Variants in CCDC60 observed in about 807,000 individuals in gnomAD.
CCDC60 encodes coiled-coil domain containing 60.
In CCDC60, 54 loss-of-function variants were observed where a neutral mutation model predicts 63.5. The observed-to-expected ratio is 0.85, with a 90% CI of 0.68 to 1.07. The LOEUF (loss-of-function observed/expected upper bound fraction) is 1.07, where lower values mean the gene tolerates loss of function less well. Among genes scored for constraint, CCDC60 ranks in the 50% least tolerant of loss-of-function variants. The probability of loss-of-function intolerance (pLI) is 0.00; values close to 1 mark genes in which losing one functional copy is unlikely to be tolerated. For synonymous variants in CCDC60, 206 were observed against 238.8 expected, an observed-to-expected ratio of 0.86 and a Z score of 1.27; for missense variants, 651 against 684.3, an observed-to-expected ratio of 0.95 and a Z score of 0.54.
intron 1 of CCDC60, among the ~76,000 whole-genome samples, chr12:119,403,344 G>T (rs985327991): frequency 3.3e-5 from 5 of 152,164 alleles, no homozygotes; most frequent in African/African-American, 1.2e-4. Flanking sequence ...AGAGAGGAAG[G>T]CTCCCATGGG....
At chr12:119,494,681 A>G (rs935097731) in intron 5 of CCDC60, among the ~76,000 whole-genome samples, 1 of 151,642 alleles carries the variant, frequency 6.6e-6, no homozygotes, top group African/African-American at 2.4e-5. Context: ...TTGAGGTTTC[A>G]AATATGACAC....
chr12:119,472,205 A>C (rs1194846340), intron 3 of CCDC60, 41 bp downstream of exon 3: 1 of 1,594,086 alleles, frequency 6.3e-7, no homozygotes, highest in Non-Finnish European at 8.6e-7. Flanking sequence ...GGTTTTGGGA[A>C]TGACCATTGA....
Position 119,456,015 on chromosome 12 carries a change from G to A in CCDC60, c.171-15979G>A, listed in dbSNP as rs1447820155. On this transcript the variant is annotated intron_variant, in intron 2 of 13. Coordinates refer to ENST00000327554, the MANE Select transcript of CCDC60 (RefSeq NM_178499.5). This position sits in a 1 kb window ranked among gnomAD's most constrained non-coding sequence, Gnocchi z 4.6. ...AGAGAGAGAAAGAGAAAGAAAGAAA[G>A]AAAGAAAGAAAGAAAGAAAGAAAGA... 2.4e-5 allele frequency among the ~76,000 whole-genome samples: 2 copies of A among 82,086 alleles called. No individual in the cohort carries two copies. The highest frequency in any genetic ancestry group is 4.6e-5 in the Non-Finnish European group (2 of 43,830). 53.9% of individuals were successfully genotyped at this position (82,086 alleles called of 152,430 possible).
At chr12:119,495,980 G>C (rs1951707488) in intron 5 of CCDC60, among the ~76,000 whole-genome samples, 2 of 152,318 alleles carry the variant, frequency 1.3e-5, no homozygotes, top group Admixed American at 1.3e-4. Context: ...TGAAATCTCT[G>C]ATTTCCCCTG....
intron 2 of CCDC60, among the ~76,000 whole-genome samples, chr12:119,454,476 T>C (rs1412446679): frequency 6.6e-6 from 1 of 152,148 alleles, no homozygotes; most frequent in Non-Finnish European, 1.5e-5. Flanking sequence ...GTTGCCTATT[T>C]ACCAGCTGCC....
chr12:119,455,378 G>C (rs1950707190), intron 2 of CCDC60, among the ~76,000 whole-genome samples: 2 of 152,188 alleles, frequency 1.3e-5, no homozygotes, highest in African/African-American at 4.8e-5. Flanking sequence ...ACCATGTAGT[G>C]TGCTGAGTGT....
chr12:119,360,168 C>A (rs369594699), intron 1 of CCDC60, among the ~76,000 whole-genome samples: 2 of 138,564 alleles, frequency 1.4e-5, no homozygotes, highest in Non-Finnish European at 3.1e-5. Flanking sequence ...GGGGGCTGAC[C>A]CCCCCCCACC....
intron 2 of CCDC60, among the ~76,000 whole-genome samples, chr12:119,449,156 A>G (rs1383181197): frequency 6.6e-6 from 1 of 152,198 alleles, no homozygotes; most frequent in African/African-American, 2.4e-5. Context: ...AAAGCTTGCC[A>G]AGTCCATGAG....
At chr12:119,509,559 A>C (rs1158980661) in intron 7 of CCDC60, among the ~76,000 whole-genome samples, 1 of 152,246 alleles carries the variant, frequency 6.6e-6, no homozygotes. Flanking sequence ...CACAGTCTTC[A>C]TCACTCCCTA....
chr12:119,473,204 G>A, intron 3 of CCDC60, among the ~76,000 whole-genome samples: 1 of 152,148 alleles, frequency 6.6e-6, no homozygotes, highest in Admixed American at 6.5e-5. Context: ...ATTTGGCGTG[G>A]ACAAAATCCT....
intron 4 of CCDC60, among the ~76,000 whole-genome samples, chr12:119,482,317 A>G (rs1951346452): frequency 1.3e-5 from 2 of 151,924 alleles, no homozygotes. Flanking sequence ...CAGGTTTGTT[A>G]CATAGGCTAT....
chr12:119,539,502 C>T (rs1330761506), intron 13 of CCDC60, among the ~76,000 whole-genome samples: 2 of 152,194 alleles, frequency 1.3e-5, no homozygotes, highest in Admixed American at 1.3e-4. Context: ...ACTGCCTACC[C>T]AAACCTCCAT....
chr12:119,419,851 G>C (rs1257387752), intron 1 of CCDC60, among the ~76,000 whole-genome samples: 2 of 149,336 alleles, frequency 1.3e-5, no homozygotes, highest in African/African-American at 2.5e-5. Flanking sequence ...CTTCAACAAG[G>C]AGAGATGTTA....
At chr12:119,377,746 T>C (rs1252026045) in intron 1 of CCDC60, among the ~76,000 whole-genome samples, 1 of 152,128 alleles carries the variant, frequency 6.6e-6, no homozygotes, top group Non-Finnish European at 1.5e-5. Context: ...CCTCTACACA[T>C]TTTTTTCTAC....
chr12:119,505,001 CCTTT>C (rs1951952503), intron 6 of CCDC60, 64 bp from the exon 7 acceptor site: 47 of 1,235,214 alleles, frequency 3.8e-5, no homozygotes, highest in Non-Finnish European at 4.6e-5. Flanking sequence ...CTCCTTCCCT[CCTTT>C]CTTTCTTTCT....
chr12:119,350,703 C>T (rs1464511692), intron 1 of CCDC60, among the ~76,000 whole-genome samples: 1 of 152,130 alleles, frequency 6.6e-6, no homozygotes, highest in Non-Finnish European at 1.5e-5. Context: ...TCAAAGTTCT[C>T]TACTACAATG....
At chr12:119,495,312 T>C (rs553442887) in intron 5 of CCDC60, among the ~76,000 whole-genome samples, 2 of 152,322 alleles carry the variant, frequency 1.3e-5, no homozygotes, top group East Asian at 3.9e-4. Context: ...GAAGATCTTA[T>C]TACAATGTGG....
chr12:119,366,626 A>C (rs985056879), intron 1 of CCDC60, among the ~76,000 whole-genome samples: 1 of 152,164 alleles, frequency 6.6e-6, no homozygotes, highest in African/African-American at 2.4e-5. Flanking sequence ...TCAAGTAGCA[A>C]GAGAGAGTCT....
At chr12:119,383,432 C>T (rs1198383902) in intron 1 of CCDC60, among the ~76,000 whole-genome samples, 1 of 152,116 alleles carries the variant, frequency 6.6e-6, no homozygotes, top group Non-Finnish European at 1.5e-5. Context: ...CTGATACAAG[C>T]TGAACCAATC....
Sources: allele counts gnomAD v4.1 joint callset (sites outside exome capture counted in the v4.1 genomes callset), GRCh38; gene constraint gnomAD v4.1.1; non-coding constraint Gnocchi (gnomAD v3.1); transcripts MANE v1.5; gene names NCBI Gene and HGNC (gene_info 2026-07-23, HGNC 2026-07-21).